The following RASGEF1C variants were observed in gnomAD, a reference collection of about 807,000 sequenced individuals.
The protein encoded by RASGEF1C is RasGEF domain family member 1C.
A neutral mutation model predicts 58.1 loss-of-function variants in RASGEF1C; 27 were observed. The ratio of observed to expected loss-of-function variants is 0.46; its 90% CI spans 0.34 to 0.64. The LOEUF (loss-of-function observed/expected upper bound fraction) is 0.64. RASGEF1C is among the 30% of genes least tolerant of loss of function. The pLI is 0.01. For missense variants in RASGEF1C, 502 were observed against 605.1 expected (o/e 0.83, Z 1.79); for synonymous variants, 243 against 246.3 (o/e 0.99, Z 0.13).
intron 10 of RASGEF1C, among the ~76,000 whole-genome samples, chr5:180,116,153 C>A (rs1443077089): frequency 6.6e-6 from 1 of 152,146 alleles, no homozygotes; most frequent in Non-Finnish European, 1.5e-5. Flanking sequence ...TCAAGGCCAC[C>A]CCCCATGTCT....
Position 180,143,886 on chromosome 5 carries a change from C to T in RASGEF1C, c.-6-5828G>A, listed in dbSNP as rs368642884. 2.0e-5 allele frequency among the ~76,000 whole-genome samples: 3 copies of T among 152,096 alleles called. No homozygotes were observed. Among genetic ancestry groups the T allele is most frequent in the South Asian group, 4.1e-4 (2 of 4,830 alleles). On this transcript the variant is annotated intron_variant, in intron 1 of 13. Transcript: ENST00000361132. The surrounding 1 kb of genome is among the most constrained non-coding windows in gnomAD (Gnocchi z 4.3). ...GAAAAGCAGGTGGCTGGTCAGAGCG[C>T]GTCCTGGGGGCTGGAGGGATGTTCT... is the stretch of plus-strand genomic sequence containing the variant.
intron 1 of RASGEF1C, among the ~76,000 whole-genome samples, chr5:180,174,786 T>C (rs527968270): frequency 3.3e-5 from 5 of 152,314 alleles, no homozygotes; most frequent in Admixed American, 1.3e-4. Context: ...GACCGGTTCC[T>C]GCTTGACTTC....
chr5:180,172,648 C>T (rs1767130128), intron 1 of RASGEF1C, among the ~76,000 whole-genome samples: 1 of 152,152 alleles, frequency 6.6e-6, no homozygotes, highest in African/African-American at 2.4e-5. Context: ...GAATCTCTGC[C>T]TGAGGCTCCA....
chr5:180,134,505 G>T (rs1049440645), intron 4 of RASGEF1C, among the ~76,000 whole-genome samples: 2 of 151,296 alleles, frequency 1.3e-5, no homozygotes, highest in East Asian at 3.9e-4. Context: ...AGGAGACTGG[G>T]GTCTCACCCC....
chr5:180,108,483 G>A (rs561405408), intron 12 of RASGEF1C, among the ~76,000 whole-genome samples: 5 of 152,098 alleles, frequency 3.3e-5, no homozygotes, highest in South Asian at 2.1e-4. Flanking sequence ...TTACAAGCAC[G>A]AGCCACCGCG....
intron 3 of RASGEF1C, among the ~76,000 whole-genome samples, chr5:180,136,997 G>A (rs904762370): frequency 2.6e-5 from 4 of 152,198 alleles, no homozygotes; most frequent in African/African-American, 7.2e-5. Flanking sequence ...GCCTGGTGCG[G>A]TGGAGGCGGC....
chr5:180,133,899 G>A (rs1766420967), intron 4 of RASGEF1C, among the ~76,000 whole-genome samples: 1 of 152,234 alleles, frequency 6.6e-6, no homozygotes, highest in Non-Finnish European at 1.5e-5. Flanking sequence ...GAGTGCTGAA[G>A]CAAGCACACA....
At chr5:180,117,994 CAAAAAAA>C (rs3078957) in intron 10 of RASGEF1C, among the ~76,000 whole-genome samples, 3 of 108,678 alleles carry the variant, frequency 2.8e-5, no homozygotes, top group Non-Finnish European at 3.7e-5. Context: ...ACTCCATCTC[CAAAAAAA>C]AAAAAAAAAA....
intron 6 of RASGEF1C, among the ~76,000 whole-genome samples, chr5:180,126,363 C>T (rs1214473275): frequency 1.3e-5 from 2 of 152,016 alleles, no homozygotes; most frequent in African/African-American, 2.4e-5. Flanking sequence ...GCGGAGACCG[C>T]GCCCCTGCAC....
chr5:180,200,203 T>C (rs1279730764), intron 1 of RASGEF1C, among the ~76,000 whole-genome samples: 1 of 151,050 alleles, frequency 6.6e-6, no homozygotes, highest in Non-Finnish European at 1.5e-5. Context: ...GAGGCGGAGG[T>C]TGCAGTGAGC....
intron 1 of RASGEF1C, among the ~76,000 whole-genome samples, chr5:180,157,661 GCCATGAAAAGA>G (rs1766873587): frequency 6.6e-6 from 1 of 150,876 alleles, no homozygotes; most frequent in South Asian, 2.1e-4. Flanking sequence ...GAAGTATCAA[GCCATGAAAAGA>G]CGTGGAGAAA....
intron 1 of RASGEF1C, among the ~76,000 whole-genome samples, chr5:180,172,194 C>T (rs1481625927): frequency 6.6e-6 from 1 of 152,198 alleles, no homozygotes; most frequent in Admixed American, 6.5e-5. Flanking sequence ...GTGATGAGAG[C>T]ACAGTGGGCA....
chr5:180,199,225 GT>G (rs1461951580), intron 1 of RASGEF1C, among the ~76,000 whole-genome samples: 1 of 152,180 alleles, frequency 6.6e-6, no homozygotes, highest in African/African-American at 2.4e-5. Context: ...CCTGCATTGA[GT>G]TTTTAGGAAA....
chr5:180,207,699 C>G (rs1272415743), intron 1 of RASGEF1C, among the ~76,000 whole-genome samples: 2 of 152,160 alleles, frequency 1.3e-5, no homozygotes, highest in Non-Finnish European at 1.5e-5. Context: ...GACGCCCAAC[C>G]TGCAAACCGC....
chr5:180,202,948 C>T (rs1341299978), intron 1 of RASGEF1C, among the ~76,000 whole-genome samples: 1 of 152,052 alleles, frequency 6.6e-6, no homozygotes, highest in African/African-American at 2.4e-5. Context: ...GTGATGCACC[C>T]GCCTCGGCCT....
At chr5:180,202,852 G>A (rs1011683464) in intron 1 of RASGEF1C, among the ~76,000 whole-genome samples, 11 of 152,150 alleles carry the variant, frequency 7.2e-5, no homozygotes, top group Middle Eastern at 3.4e-3. Context: ...ACAGGTGCCC[G>A]CCACCACGCC....
chr5:180,152,609 C>T (rs11741783), intron 1 of RASGEF1C, among the ~76,000 whole-genome samples: 74,546 of 141,562 alleles, frequency 0.53, 20,197 homozygotes, highest in African/African-American at 0.71. Flanking sequence ...ATATACCTAA[C>T]GTTAAATGAC....
In RASGEF1C at chr5:180,197,953, C is replaced by A. The variant is rs1756309803; in HGVS notation, c.-7+11075G>T. ...CCAATGCACGTAAAGCAGAAATTCC[C>A]CAATTAGGATGCTGGTGTGGGTCCG... is the stretch of plus-strand genomic sequence containing the variant. On this transcript the variant is annotated intron_variant, in intron 1 of 13. Transcript: ENST00000361132. The surrounding 1 kb of genome is among the most constrained non-coding windows in gnomAD (Gnocchi z 4.7). Among the ~76,000 whole-genome samples, 1 of 152,228 alleles carries A rather than the reference C, an allele frequency of 6.6e-6. No homozygotes were observed.
At position 180,177,658 on chromosome 5, in the gene RASGEF1C, G is replaced by C. The variant is rs1224183759; in HGVS notation, c.-7+31370C>G. ...CTTGGGGAAGGAGTTGCGTTGGTCT[G>C]TGACAGTTGGGATGGCATGTGATCC... On this transcript the variant is annotated intron_variant, in intron 1 of 13. Transcript: ENST00000361132. The surrounding 1 kb of genome is among the most constrained non-coding windows in gnomAD (Gnocchi z 5.0). 1.3e-5 allele frequency among the ~76,000 whole-genome samples: 2 copies of C among 152,228 alleles called. No homozygotes were observed. The highest frequency in any genetic ancestry group is 2.9e-5 in the Non-Finnish European group (2 of 68,040).
Sources: allele counts gnomAD v4.1 joint callset (sites outside exome capture counted in the v4.1 genomes callset), GRCh38; gene constraint gnomAD v4.1.1; non-coding constraint Gnocchi (gnomAD v3.1); transcripts MANE v1.5; gene names NCBI Gene and HGNC (gene_info 2026-07-23, HGNC 2026-07-21).